Variants in TTL observed in about 807,000 individuals in gnomAD.
TTL encodes the protein tubulin tyrosine ligase.
In TTL, 10 loss-of-function variants were observed where a neutral mutation model predicts 41.1. The ratio of observed to expected loss-of-function variants is 0.24; its 90% CI spans 0.15 to 0.41. The LOEUF (loss-of-function observed/expected upper bound fraction) is 0.41, where lower values mean the gene tolerates loss of function less well. Ranked by LOEUF, TTL falls within the 10% of genes least tolerant of loss-of-function variation. The pLI is 1.00. For synonymous variants in TTL, 175 were observed against 175.5 expected (o/e 1.00, Z 0.02); for missense variants, 367 against 460.4 (o/e 0.80, Z 1.86).
rs1196121401 is a variant in TTL, at chr2:112,535,778, A to G, written c.*6983A>G. 1 of 152,114 alleles carries G rather than the reference A, an allele frequency of 6.6e-6. No homozygotes were observed. The highest frequency in any genetic ancestry group is 1.5e-5 in the Non-Finnish European group (1 of 68,036). 9.4% of individuals were successfully genotyped at this position (152,114 alleles called of 1,614,324 possible). On this transcript the variant is annotated 3_prime_UTR_variant, in exon 7 of 7. Transcript: ENST00000233336. ...AAAAATCATGATCCAACTATATGCT[A>G]TCTACAAAAAACACACTTCATTTTA...
chr2:112,527,915 C>T (rs948193779), intron 6 of TTL, among the ~76,000 whole-genome samples: 2 of 152,176 alleles, frequency 1.3e-5, no homozygotes, highest in African/African-American at 4.8e-5. Flanking sequence ...CATCTATGGT[C>T]TTTACAGTTT....
intron 5 of TTL, among the ~76,000 whole-genome samples, chr2:112,509,560 T>A (rs564001541): frequency 4.6e-5 from 7 of 152,112 alleles, no homozygotes; most frequent in Non-Finnish European, 1.0e-4. Context: ...AATATTCGGG[T>A]GGGAGTGACC....
At chr2:112,503,322 A>C in intron 5 of TTL, 141 bp downstream of exon 5, 1 of 660,380 alleles carries the variant, frequency 1.5e-6, no homozygotes, top group South Asian at 2.1e-5. Flanking sequence ...TTTCCTTTTA[A>C]TGTCTGCAGG....
chr2:112,485,501 T>C (rs892441322), intron 1 of TTL, among the ~76,000 whole-genome samples: 4 of 152,190 alleles, frequency 2.6e-5, no homozygotes, highest in Non-Finnish European at 4.4e-5. Context: ...TTCCTTGGTA[T>C]GGAAAGCCAG....
At chr2:112,519,701 C>G (rs1682168176) in intron 5 of TTL, among the ~76,000 whole-genome samples, 1 of 152,100 alleles carries the variant, frequency 6.6e-6, no homozygotes, top group Admixed American at 6.6e-5. Flanking sequence ...ACAGAGGCCA[C>G]AATGACTCGG....
chr2:112,482,330 G>C lies in TTL; in HGVS notation c.-15G>C, dbSNP rs1419414763. ...GCGGCGGCTGCCCGGCGGCCCGGGC[G>C]CGCGGCGCTTCGCCATGTACACCTT... On this transcript the variant is annotated 5_prime_UTR_variant, in exon 1 of 7. Coordinates refer to ENST00000233336, the MANE Select transcript of TTL (RefSeq NM_153712.5). This position sits in a 1 kb window ranked among gnomAD's most constrained non-coding sequence, Gnocchi z 5.3. 2 of 1,490,644 alleles carry C rather than the reference G, an allele frequency of 1.3e-6. No homozygotes were observed. The highest frequency in any genetic ancestry group is 1.8e-6 in the Non-Finnish European group (2 of 1,115,858). The allele number at this position is 1,490,644 out of a possible 1,614,324, so 92.3% of individuals were successfully genotyped here.
In TTL at chr2:112,534,583, T is replaced by G. The variant is rs149790432; in HGVS notation, c.*5788T>G. 2 of 152,436 alleles carry G rather than the reference T, an allele frequency of 1.3e-5. No homozygotes were observed. Among genetic ancestry groups the G allele is most frequent in the Non-Finnish European group, 2.9e-5 (2 of 68,026 alleles). 9.4% of individuals were successfully genotyped at this position (152,436 alleles called of 1,614,324 possible). A position where few individuals can be genotyped will look rare whatever the true frequency, so the allele number is the denominator to read the frequency against. On this transcript the variant is annotated 3_prime_UTR_variant, in exon 7 of 7. Transcript: ENST00000233336. ...CCATGTAAGTCCCTACTCCTAGGTC[T>G]TGTCTTTATTTGATGTGACTAAGAG...
intron 1 of TTL, 62 bp from the exon 2 acceptor site, chr2:112,485,855 G>C (rs1681226066): frequency 2.1e-6 from 3 of 1,446,460 alleles, no homozygotes; most frequent in Non-Finnish European, 2.9e-6. Flanking sequence ...GCATGACACA[G>C]CTGTCCTCTC....
intron 4 of TTL, among the ~76,000 whole-genome samples, chr2:112,502,050 CTG>C (rs1226460523): frequency 1.3e-5 from 2 of 152,134 alleles, no homozygotes; most frequent in Admixed American, 6.6e-5. Flanking sequence ...GTGTCCCACT[CTG>C]TGGATTTTAT....
intron 3 of TTL, among the ~76,000 whole-genome samples, chr2:112,500,045 A>T (rs1353437370): frequency 1.3e-5 from 2 of 152,256 alleles, no homozygotes; most frequent in African/African-American, 4.8e-5. Flanking sequence ...AGTGAACATG[A>T]TACTAATACA....
Position 112,539,134 on chromosome 2 carries a change from AAGAT to A in TTL, c.*10340_*10343del, listed in dbSNP as rs1682661358. The A allele has an allele frequency of 1.3e-5, 2 of 151,104 alleles. No homozygotes were observed. Among genetic ancestry groups the A allele is most frequent in the South Asian group, 4.2e-4 (2 of 4,790 alleles). The allele number at this position is 151,104 out of a possible 1,614,324, so 9.4% of individuals were successfully genotyped here. On this transcript the variant is annotated 3_prime_UTR_variant, in exon 7 of 7. Transcript: ENST00000233336. ...TCTAAAAAAAAAAAAAAAAAAAAAA[AAGAT>A]GGGAACAGCAGACACTGGGGACTAC...
Position 112,501,215 on chromosome 2 carries a change from T to G in TTL, c.479T>G (p.Ile160Ser), listed in dbSNP as rs1198513713. ...KSSAGAKGEG[I>S]LISSEASELL... Reference sequence around the variant, plus strand: ...GCTTTTTCCCTGTTAGGTGAAGGCATTCTCATCTCCTCAGAGGCTTCAGAG... The same window carrying G: ...GCTTTTTCCCTGTTAGGTGAAGGCAGTCTCATCTCCTCAGAGGCTTCAGAG... The change falls in exon 4 of 7, where the codon ATT becomes AGT. Residue 160 changes from isoleucine to serine, a missense_variant. By Grantham distance (142) the Ile-to-Ser change is moderately radical. Coordinates refer to ENST00000233336, the MANE Select transcript of TTL (RefSeq NM_153712.5). The G allele has an allele frequency of 1.2e-6, 2 of 1,611,204 alleles. No individual in the cohort carries two copies. The highest frequency in any genetic ancestry group is 1.7e-6 in the Non-Finnish European group (2 of 1,179,120).
At chr2:112,509,928 C>G (rs1465616777) in intron 5 of TTL, among the ~76,000 whole-genome samples, 1 of 152,220 alleles carries the variant, frequency 6.6e-6, no homozygotes, top group Non-Finnish European at 1.5e-5. Context: ...GCCACCATGC[C>G]TGGCTAATTT....
At chr2:112,496,612 A>T (rs1462847065) in intron 3 of TTL, among the ~76,000 whole-genome samples, 1 of 151,136 alleles carries the variant, frequency 6.6e-6, no homozygotes, top group Non-Finnish European at 1.5e-5. Flanking sequence ...TTTGCTGTAG[A>T]TGACCCTTGT....
rs1223805485 is a variant in TTL at position 112,494,601 on chromosome 2, CA to C, written c.469+227del. On this transcript the variant is annotated intron_variant, in intron 3 of 6. Transcript: ENST00000233336. ...TGACACCCTCACCATCTCTAAAAGG[CA>C]TTTCAAACTGAACACATCTGATACA... Among the ~76,000 whole-genome samples the C allele has an allele frequency of 5.9e-5, 9 of 152,308 alleles. 1 individual carries two copies. The highest frequency in any genetic ancestry group is 1.4e-4 in the African/African-American group (6 of 41,578).
chr2:112,523,520 G>A (rs1416273043), intron 6 of TTL, among the ~76,000 whole-genome samples: 1 of 149,494 alleles, frequency 6.7e-6, no homozygotes, highest in Non-Finnish European at 1.5e-5. Context: ...CTCTGTCACT[G>A]GGGAGTCTTC....
Position 112,501,300 on chromosome 2 carries a change from C to T in TTL, c.564C>T (p.His188=), listed in dbSNP as rs1172945803. The part of the protein sequence containing the change: ...QVHVIQKYLE[H]PLLLEPGHRK... The stretch of plus-strand genomic sequence containing the variant: ...ACGTGATCCAGAAATATCTTGAGCA[C>T]CCTCTGCTGCTTGAGCCAGGTCATC... The change falls in exon 4 of 7, where the codon CAC becomes CAT. Residue 188 remains histidine (H), a synonymous_variant. Transcript: ENST00000233336. 6.2e-7 allele frequency: 1 copy of T among 1,612,932 alleles called. No individual in the cohort carries two copies. The highest frequency in any genetic ancestry group is 8.5e-7 in the Non-Finnish European group (1 of 1,179,460).
intron 2 of TTL, among the ~76,000 whole-genome samples, chr2:112,493,508 T>C (rs1042599503): frequency 6.6e-6 from 1 of 152,194 alleles, no homozygotes; most frequent in African/African-American, 2.4e-5. Flanking sequence ...GATTGCAGAG[T>C]AGATGCAGAG....
Position 112,482,843 on chromosome 2 carries a change from G to A in TTL, c.157+342G>A, listed in dbSNP as rs1266200342. ...CCCCGGGCCGAAGCCCCCAGATTTG[G>A]CGGGTCCGCCGCGCTGGGCGCGGCT... On this transcript the variant is annotated intron_variant, in intron 1 of 6. Transcript: ENST00000233336. This position sits in a 1 kb window ranked among gnomAD's most constrained non-coding sequence, Gnocchi z 5.3. Among the ~76,000 whole-genome samples the A allele has an allele frequency of 6.6e-6, 1 of 152,174 alleles. No homozygotes were observed. Among genetic ancestry groups the A allele is most frequent in the Non-Finnish European group, 1.5e-5 (1 of 68,034 alleles).
Sources: gnomAD v4.1 joint callset for allele counts (sites outside exome capture counted in the v4.1 genomes callset) on GRCh38, gnomAD v4.1.1 for gene constraint, Gnocchi (gnomAD v3.1) non-coding constraint, MANE v1.5 for transcripts, NCBI Gene and HGNC (gene_info 2026-07-23, HGNC 2026-07-21) for gene names.